The following CNBD1 variants were observed in gnomAD, a reference collection of about 807,000 sequenced individuals.
CNBD1 encodes cyclic nucleotide-binding domain-containing protein 1.
In CNBD1, 71 loss-of-function variants were observed where a neutral mutation model predicts 54.4. The observed-to-expected ratio is 1.30, with a 90% CI of 1.08 to 1.59. The LOEUF is 1.59. Among genes scored for constraint, CNBD1 ranks in the 40% most tolerant of loss-of-function variants. CNBD1 has a pLI of 0.00. For synonymous variants in CNBD1, 182 were observed against 170.7 expected (o/e 1.07, Z -0.51); for missense variants, 659 against 518.0 (o/e 1.27, Z -2.64).
intron 8 of CNBD1, among the ~76,000 whole-genome samples, chr8:87,300,262 T>G (rs959032023): frequency 6.6e-6 from 1 of 152,190 alleles, no homozygotes; most frequent in East Asian, 1.9e-4. Flanking sequence ...AAAATATTTG[T>G]GTCCATGTAT....
intron 6 of CNBD1, among the ~76,000 whole-genome samples, chr8:87,263,258 A>G (rs1435866050): frequency 2.0e-5 from 3 of 152,188 alleles, no homozygotes; most frequent in Admixed American, 1.3e-4. Context: ...ATTTGTGTGA[A>G]AACCATGCAT....
chr8:87,090,319 G>T (rs1015512867), intron 4 of CNBD1, among the ~76,000 whole-genome samples: 2 of 152,100 alleles, frequency 1.3e-5, no homozygotes, highest in Non-Finnish European at 2.9e-5. Flanking sequence ...TGACTGTCTT[G>T]TGTGGCAAAA....
At chr8:86,944,440 G>A (rs1807417044) in intron 4 of CNBD1, among the ~76,000 whole-genome samples, 1 of 152,122 alleles carries the variant, frequency 6.6e-6, no homozygotes, top group South Asian at 2.1e-4. Context: ...AGAATAAGGG[G>A]ATAGAGAATG....
chr8:87,283,842 C>A (rs1260562332), intron 6 of CNBD1, among the ~76,000 whole-genome samples: 1 of 152,042 alleles, frequency 6.6e-6, no homozygotes, highest in African/African-American at 2.4e-5. Context: ...TTCTTCAGGA[C>A]CTTATTTGGG....
At chr8:87,030,581 A>T in intron 4 of CNBD1, among the ~76,000 whole-genome samples, 1 of 152,042 alleles carries the variant, frequency 6.6e-6, no homozygotes, top group Non-Finnish European at 1.5e-5. Context: ...CTGACACTTT[A>T]TATCTTCTAA....
In CNBD1 at chr8:87,408,928, C is replaced by T. The variant is rs974618547; in HGVS notation, c.214-19618C>T. Among the ~76,000 whole-genome samples the T allele has an allele frequency of 2.0e-5, 3 of 152,050 alleles. No individual in the cohort carries two copies. In the East Asian group the frequency reaches 5.8e-4, roughly 29 times the overall value. Reference sequence around the variant, plus strand: ...ACTCCCTCACCAGTTTGTCATTCCCCCATCTCTCTCTCTCTCCTCAGACCT... The same window carrying T: ...ACTCCCTCACCAGTTTGTCATTCCCTCATCTCTCTCTCTCTCCTCAGACCT... On this transcript the variant is annotated intron_variant, in intron 2 of 7. Transcript: ENST00000521593.
chr8:87,088,612 A>G (rs1306671022), intron 4 of CNBD1, among the ~76,000 whole-genome samples: 1 of 152,142 alleles, frequency 6.6e-6, no homozygotes, highest in African/African-American at 2.4e-5. Context: ...AATAGTAGCT[A>G]TATTATGATA....
chr8:87,369,310 G>A (rs2130945636), intron 10 of CNBD1, among the ~76,000 whole-genome samples: 1 of 152,056 alleles, frequency 6.6e-6, no homozygotes, highest in African/African-American at 2.4e-5. Flanking sequence ...CGTACATGCT[G>A]TTTGAGTCAT....
chr8:86,953,771 G>A (rs1437320547), intron 4 of CNBD1, among the ~76,000 whole-genome samples: 3 of 152,132 alleles, frequency 2.0e-5, no homozygotes. Flanking sequence ...GGAGGCTGAG[G>A]CGGAAAAATC....
intron 4 of CNBD1, among the ~76,000 whole-genome samples, chr8:87,020,770 C>T (rs1809471896): frequency 6.6e-6 from 1 of 152,114 alleles, no homozygotes; most frequent in Admixed American, 6.5e-5. Flanking sequence ...ATAGAGAATC[C>T]CCTTGCCCCT....
intron 4 of CNBD1, among the ~76,000 whole-genome samples, chr8:87,113,383 C>T (rs1811703037): frequency 6.6e-6 from 1 of 152,134 alleles, no homozygotes; most frequent in Non-Finnish European, 1.5e-5. Flanking sequence ...AGATAATTAA[C>T]CTTTCTGACT....
At chr8:86,955,519 G>A (rs1401400361) in intron 4 of CNBD1, among the ~76,000 whole-genome samples, 1 of 152,144 alleles carries the variant, frequency 6.6e-6, no homozygotes, top group African/African-American at 2.4e-5. Context: ...GTTAATGATT[G>A]CCATTCTAAC....
chr8:87,370,241 C>A (rs1164453214), intron 10 of CNBD1, among the ~76,000 whole-genome samples: 1 of 151,872 alleles, frequency 6.6e-6, no homozygotes, highest in Admixed American at 6.6e-5. Context: ...GGGTATATAC[C>A]CAGTAATGGG....
intron 3 of CNBD1, among the ~76,000 whole-genome samples, chr8:86,917,157 A>AG (rs1474486113): frequency 1.8e-5 from 2 of 113,870 alleles, no homozygotes; most frequent in African/African-American, 5.5e-5. Context: ...AGAAAAAAAA[A>AG]GAATATCTAG....
intron 4 of CNBD1, among the ~76,000 whole-genome samples, chr8:86,981,248 A>C (rs1808480894): frequency 6.6e-6 from 1 of 152,230 alleles, no homozygotes; most frequent in South Asian, 2.1e-4. Context: ...ATTCCAAGTT[A>C]CATGGGTTTT....
At chr8:86,971,874 C>T (rs1028219966) in intron 4 of CNBD1, among the ~76,000 whole-genome samples, 1 of 152,034 alleles carries the variant, frequency 6.6e-6, no homozygotes, top group African/African-American at 2.4e-5. Context: ...TTTAAGTAAA[C>T]AATGCAATCT....
At chr8:87,029,072 TAC>T (rs1809722030) in intron 4 of CNBD1, among the ~76,000 whole-genome samples, 1 of 152,212 alleles carries the variant, frequency 6.6e-6, no homozygotes, top group Non-Finnish European at 1.5e-5. Flanking sequence ...TATTCTAACT[TAC>T]TACATTAGCA....
At chr8:87,256,088 T>C (rs1186360041) in intron 6 of CNBD1, among the ~76,000 whole-genome samples, 3 of 136,886 alleles carry the variant, frequency 2.2e-5, no homozygotes, top group Admixed American at 7.7e-5. Context: ...AATGGTATGA[T>C]CTCAGCTCAC....
intron 4 of CNBD1, among the ~76,000 whole-genome samples, chr8:87,103,151 A>G (rs1459949438): frequency 4.6e-5 from 7 of 152,204 alleles, no homozygotes; most frequent in African/African-American, 1.4e-4. Context: ...GCATTTGCCA[A>G]ATATCAGCAT....
Sources: allele counts gnomAD v4.1 joint callset (sites outside exome capture counted in the v4.1 genomes callset), GRCh38; gene constraint gnomAD v4.1.1; transcripts MANE v1.5; gene names NCBI Gene and HGNC (gene_info 2026-07-23, HGNC 2026-07-21).